SLC44A1: variants seen among roughly 807,000 people sequenced by gnomAD.
SLC44A1 encodes the protein choline transporter-like protein 1.
Under a neutral mutation model 79.3 loss-of-function variants are expected in SLC44A1, and 26 were observed. The ratio of observed to expected loss-of-function variants is 0.33; its 90% confidence interval spans 0.24 to 0.46. SLC44A1 has a LOEUF of 0.46. SLC44A1 is among the 20% of genes least tolerant of loss of function. SLC44A1 has a pLI of 1.00. For missense variants in SLC44A1, 688 were observed against 798.1 expected (o/e 0.86, Z 1.66); for synonymous variants, 263 against 286.2 (o/e 0.92, Z 0.82).
intron 15 of SLC44A1, among the ~76,000 whole-genome samples, chr9:105,420,793 G>A (rs1354357225): frequency 2.0e-5 from 3 of 150,048 alleles, no homozygotes; most frequent in Non-Finnish European, 4.4e-5. Flanking sequence ...CCCGGGAGGC[G>A]GAGGTTGCAG....
intron 4 of SLC44A1, among the ~76,000 whole-genome samples, chr9:105,338,296 A>G (rs561621763): frequency 7.0e-6 from 1 of 143,226 alleles, no homozygotes; most frequent in Admixed American, 6.7e-5. Flanking sequence ...TTGGTGACTT[A>G]AAACTAGACC....
intron 1 of SLC44A1, among the ~76,000 whole-genome samples, chr9:105,298,180 T>C (rs1412987795): frequency 6.6e-6 from 1 of 152,158 alleles, no homozygotes; most frequent in Non-Finnish European, 1.5e-5. Context: ...CCGCTAGTTC[T>C]GTAGTTCAGG....
Position 105,333,199 on chromosome 9 carries a change from A to G in SLC44A1, c.270-2364A>G, listed in dbSNP as rs78630222. ...GTGTATCTATTCTCAAGAGGTTGTCATTGATCCAGCCTAGGCCCAGCAGCA... is the reference window on the plus strand; with the variant it reads ...GTGTATCTATTCTCAAGAGGTTGTCGTTGATCCAGCCTAGGCCCAGCAGCA... On this transcript the variant is annotated intron_variant, in intron 3 of 15. Transcript: ENST00000374720. Among the ~76,000 whole-genome samples, 1,173 of 152,340 alleles carry G rather than the reference A, an allele frequency of 7.7e-3. 43 individuals are homozygous for G. Among genetic ancestry groups the G allele is most frequent in the East Asian group, 0.066 (341 of 5,184 alleles).
intron 1 of SLC44A1, among the ~76,000 whole-genome samples, chr9:105,295,782 CTGAT>C (rs1435271617): frequency 6.6e-6 from 1 of 152,140 alleles, no homozygotes; most frequent in Non-Finnish European, 1.5e-5. Flanking sequence ...GCGCCAAAGA[CTGAT>C]TGTGCAGGTG....
At chr9:105,309,915 A>C (rs551048008) in intron 3 of SLC44A1, 49 bp downstream of exon 3, 1 of 1,575,530 alleles carries the variant, frequency 6.3e-7, no homozygotes, top group South Asian at 1.2e-5. Flanking sequence ...TGAAAGAGGC[A>C]CAGAGAAAAT....
At chr9:105,293,270 C>A (rs928850228) in intron 1 of SLC44A1, among the ~76,000 whole-genome samples, 8 of 152,160 alleles carry the variant, frequency 5.3e-5, no homozygotes, top group Non-Finnish European at 1.0e-4. Flanking sequence ...AGATTGATAG[C>A]ATTAGGTAGT....
chr9:105,363,004 A>G lies in SLC44A1; in HGVS notation c.1084A>G (p.Thr362Ala). 1 of 1,600,852 alleles carries G rather than the reference A, an allele frequency of 6.2e-7. No individual in the cohort carries two copies. Among genetic ancestry groups the G allele is most frequent in the Non-Finnish European group, 8.5e-7 (1 of 1,173,950 alleles). The change falls in exon 9 of 16, where the codon ACC becomes GCC. Residue 362 changes from threonine (T) to alanine (A), a missense_variant. Coordinates refer to ENST00000374720, the MANE Select transcript of SLC44A1 (RefSeq NM_080546.5). ...CATGACACTTCTTTTTCTTGGCACT[A>G]CCGGTAAGAAGATAAGCTTCTTTCT... The part of the protein sequence containing the change: ...WIMTLLFLGT[T>A]GSPVQNEQGF...
At chr9:105,255,100 T>G (rs917119051) in intron 1 of SLC44A1, among the ~76,000 whole-genome samples, 5 of 150,422 alleles carry the variant, frequency 3.3e-5, no homozygotes, top group African/African-American at 1.2e-4. Context: ...CAGGTTTTTT[T>G]GTTTTTTTTT....
At chr9:105,307,187 T>A (rs1239846646) in intron 2 of SLC44A1, among the ~76,000 whole-genome samples, 2 of 152,146 alleles carry the variant, frequency 1.3e-5, no homozygotes, top group Non-Finnish European at 2.9e-5. Flanking sequence ...GGCTGTGAAA[T>A]AGATGGTATT....
At chr9:105,426,211 A>T (rs1000502841) in intron 15 of SLC44A1, among the ~76,000 whole-genome samples, 6 of 152,342 alleles carry the variant, frequency 3.9e-5, no homozygotes, top group African/African-American at 1.4e-4. Flanking sequence ...TATATAATGC[A>T]TTACTAATTC....
At chr9:105,423,959 A>G (rs529721518) in intron 15 of SLC44A1, among the ~76,000 whole-genome samples, 1 of 152,346 alleles carries the variant, frequency 6.6e-6, no homozygotes, top group Non-Finnish European at 1.5e-5. Flanking sequence ...TTCCAACATC[A>G]TGGAAGATGA....
intron 1 of SLC44A1, among the ~76,000 whole-genome samples, chr9:105,279,316 A>C (rs1588726573): frequency 1.3e-5 from 2 of 149,392 alleles, no homozygotes; most frequent in East Asian, 3.9e-4. Context: ...GGAAAAGAAA[A>C]CTTTTTTTTT....
chr9:105,245,711 C>G (rs1055309426), intron 1 of SLC44A1, among the ~76,000 whole-genome samples: 2 of 152,228 alleles, frequency 1.3e-5, no homozygotes, highest in Non-Finnish European at 2.9e-5. Context: ...TGGGCACTGG[C>G]TGAATGTTGT....
At chr9:105,345,583 T>C (rs980646133) in intron 4 of SLC44A1, among the ~76,000 whole-genome samples, 17 of 152,142 alleles carry the variant, frequency 1.1e-4, no homozygotes, top group Admixed American at 3.9e-4. Context: ...TTACTTTTTT[T>C]TTCATCTGTA....
chr9:105,385,846 G>A (rs986156625), intron 15 of SLC44A1: 1 of 985,302 alleles, frequency 1.0e-6, no homozygotes, highest in Admixed American at 6.1e-5. Context: ...TGAACATTTT[G>A]GTGTACACTT....
In SLC44A1 at chr9:105,395,434, A is replaced by G. The variant is rs764736420; in HGVS notation, c.*6378A>G. 3.1e-5 allele frequency: 18 copies of G among 574,912 alleles called. No homozygotes were observed. The highest frequency in any genetic ancestry group is 6.1e-5 in the African/African-American group (3 of 49,302). 35.6% of individuals were successfully genotyped at this position (574,912 alleles called of 1,614,324 possible). ...GGGTTTCACCACGTTGGCCAGGCCA[A>G]TCTCGAACTCCTGACCTCAGGTGAT... On this transcript the variant is annotated 3_prime_UTR_variant, in exon 16 of 16. Transcript: ENST00000374720.
At chr9:105,430,269 A>T (rs1485943154) in intron 15 of SLC44A1, among the ~76,000 whole-genome samples, 4 of 152,242 alleles carry the variant, frequency 2.6e-5, no homozygotes, top group South Asian at 4.1e-4. Flanking sequence ...TCTCTTTTTT[A>T]AAAAATTAAG....
Position 105,396,602 on chromosome 9 carries a change from A to T in SLC44A1, c.*7546A>T. On this transcript the variant is annotated 3_prime_UTR_variant, in exon 16 of 16. Transcript: ENST00000374720. Reference sequence around the variant, plus strand: ...CATCCAGTGTCAAGCCCAGCCCAGCATATGGGGTGATATGAGCAGAAAACA... The same window carrying T: ...CATCCAGTGTCAAGCCCAGCCCAGCTTATGGGGTGATATGAGCAGAAAACA... 1 of 985,430 alleles carries T rather than the reference A, an allele frequency of 1.0e-6. No homozygotes were observed. The highest frequency in any genetic ancestry group is 1.2e-6 in the Non-Finnish European group (1 of 829,938). The allele number at this position is 985,430 out of a possible 1,614,324, so 61.0% of individuals were successfully genotyped here. A position where few individuals can be genotyped will look rare whatever the true frequency, so the allele number is the denominator to read the frequency against.
At chr9:105,279,763 C>T (rs1468848652) in intron 1 of SLC44A1, among the ~76,000 whole-genome samples, 5 of 152,028 alleles carry the variant, frequency 3.3e-5, no homozygotes, top group African/African-American at 9.7e-5. Context: ...AGTTCTAACT[C>T]GTGCAATAAT....
Sources: allele counts gnomAD v4.1 joint callset (sites outside exome capture counted in the v4.1 genomes callset), GRCh38; gene constraint gnomAD v4.1.1; transcripts MANE v1.5; gene names NCBI Gene and HGNC (gene_info 2026-07-23, HGNC 2026-07-21).